The following RBPJ variants were observed in gnomAD, a reference collection of about 807,000 sequenced individuals.
RBPJ encodes recombination signal binding protein for immunoglobulin kappa J region, also known as recombining binding protein suppressor of hairless.
RBPJ carries 9 observed loss-of-function variants against 67.8 expected under a neutral mutation model. The ratio of observed to expected loss-of-function variants is 0.13; its 90% CI spans 0.08 to 0.23. RBPJ has a LOEUF of 0.23. RBPJ is among the 10% of genes least tolerant of loss of function. The pLI is 1.00. For synonymous variants in RBPJ, 198 were observed against 203.3 expected, an observed-to-expected ratio of 0.97 and a Z score of 0.22; for missense variants, 305 against 595.6, an observed-to-expected ratio of 0.51 and a Z score of 5.08.
At chr4:26,249,620 C>A (rs1258856481) in intron 1 of RBPJ, among the ~76,000 whole-genome samples, 1 of 152,034 alleles carries the variant, frequency 6.6e-6, no homozygotes, top group Non-Finnish European at 1.5e-5. Context: ...GAGATCCCGC[C>A]ACTGCACTCC....
chr4:26,122,445 AT>A, the RBPJ span, among the ~76,000 whole-genome samples: 1 of 152,230 alleles, frequency 6.6e-6, no homozygotes, highest in African/African-American at 2.4e-5. Context: ...GACAATTAGA[AT>A]GTGGGTATTG....
At chr4:26,290,166 A>G (rs1721619209) in intron 1 of RBPJ, among the ~76,000 whole-genome samples, 1 of 149,466 alleles carries the variant, frequency 6.7e-6, no homozygotes, top group Non-Finnish European at 1.5e-5. Context: ...CCCACCTCCC[A>G]TCTCTACATG....
At chr4:26,119,079 G>A in the RBPJ span, among the ~76,000 whole-genome samples, 2 of 152,166 alleles carry the variant, frequency 1.3e-5, no homozygotes, top group Non-Finnish European at 2.9e-5. Flanking sequence ...TTCACAATCA[G>A]TAAAATAAGA....
At chr4:26,315,309 A>G, upstream of RBPJ, among the ~76,000 whole-genome samples, 1 of 151,162 alleles carries the variant, frequency 6.6e-6, no homozygotes, top group Non-Finnish European at 1.5e-5. Flanking sequence ...AAGAGTACAA[A>G]GAGAGGAATT....
intron 1 of RBPJ, among the ~76,000 whole-genome samples, chr4:26,206,865 GGTAGTT>G (rs1046020212): frequency 2.6e-5 from 4 of 151,144 alleles, no homozygotes; most frequent in African/African-American, 9.7e-5. Context: ...TCTGAATTCT[GGTAGTT>G]TTTTAAAGGA....
chr4:26,318,614 G>C (rs1343971586), upstream of RBPJ, among the ~76,000 whole-genome samples: 2 of 152,152 alleles, frequency 1.3e-5, no homozygotes, highest in African/African-American at 2.4e-5. Context: ...ATCTATACAA[G>C]GCAACAAGGC....
At chr4:26,316,241 C>T (rs556105513), upstream of RBPJ, among the ~76,000 whole-genome samples, 447 of 148,712 alleles carry the variant, frequency 3.0e-3, 4 homozygotes, top group African/African-American at 0.011. Context: ...CCTGACTTCC[C>T]GCAACATATA....
chr4:26,151,612 G>A, the RBPJ span, among the ~76,000 whole-genome samples: 3 of 152,196 alleles, frequency 2.0e-5, no homozygotes, highest in East Asian at 1.9e-4. Context: ...TTTTACAGAG[G>A]AAGAAATTGA....
At chr4:26,318,996 C>CAAAAAAAAAAAAAAAAAAAAAAAAAAA (rs201084739), upstream of RBPJ, among the ~76,000 whole-genome samples, 2 of 83,866 alleles carry the variant, frequency 2.4e-5, no homozygotes, top group Non-Finnish European at 2.7e-5. Flanking sequence ...GACTCCGTCT[C>CAAAAAAAAAAAAAAAAAAAAAAAAAAA]AAAAAAAAAA....
intron 1 of RBPJ, among the ~76,000 whole-genome samples, chr4:26,322,661 T>TTATA (rs753718347): frequency 8.6e-6 from 1 of 115,848 alleles, no homozygotes; most frequent in Non-Finnish European, 2.0e-5. Context: ...AATATGTATA[T>TTATA]TATATATATA....
intron 1 of RBPJ, among the ~76,000 whole-genome samples, chr4:26,357,878 C>G (rs1004325810): frequency 1.3e-5 from 2 of 152,122 alleles, no homozygotes; most frequent in Admixed American, 6.6e-5. Flanking sequence ...CAAGGTTCAT[C>G]CATGTAGCGT....
At chr4:26,421,842 C>G (rs1379559665) in intron 5 of RBPJ, among the ~76,000 whole-genome samples, 1 of 152,092 alleles carries the variant, frequency 6.6e-6, no homozygotes, top group African/African-American at 2.4e-5. Flanking sequence ...TAAGTGTCAT[C>G]TAATATCCTA....
chr4:26,179,296 T>G (rs1716900129), intron 1 of RBPJ, among the ~76,000 whole-genome samples: 1 of 129,570 alleles, frequency 7.7e-6, no homozygotes, highest in African/African-American at 2.6e-5. Flanking sequence ...ATTACTGTGT[T>G]TTTTTTTTTT....
intron 1 of RBPJ, among the ~76,000 whole-genome samples, chr4:26,170,195 C>T (rs949587683): frequency 1.3e-5 from 2 of 152,126 alleles, no homozygotes; most frequent in Non-Finnish European, 2.9e-5. Flanking sequence ...TAGACCGGAG[C>T]TGTTCCTATT....
chr4:26,412,102 A>G (rs1267206059), intron 3 of RBPJ, among the ~76,000 whole-genome samples: 29 of 139,906 alleles, frequency 2.1e-4, no homozygotes, highest in Non-Finnish European at 3.1e-5. Context: ...GTGACAGAGC[A>G]AGACTCCGTC....
intron 1 of RBPJ, among the ~76,000 whole-genome samples, chr4:26,182,210 C>T (rs542831448): frequency 3.3e-5 from 5 of 151,946 alleles, no homozygotes; most frequent in African/African-American, 9.6e-5. Flanking sequence ...GGCGCCGTGG[C>T]GGGCGCCTGT....
chr4:26,210,716 CTTCT>C (rs375291982), intron 1 of RBPJ, among the ~76,000 whole-genome samples: 682 of 40,068 alleles, frequency 0.017, 61 homozygotes, highest in South Asian at 0.022. Flanking sequence ...TCCTTCTTTC[CTTCT>C]TTCTTTCCTT....
At chr4:26,195,975 A>G (rs529750599) in intron 1 of RBPJ, among the ~76,000 whole-genome samples, 127 of 152,114 alleles carry the variant, frequency 8.3e-4, no homozygotes, top group African/African-American at 3.0e-3. Flanking sequence ...ACATATACAC[A>G]CACACAAAGA....
chr4:26,352,552 C>A (rs1369525549), intron 1 of RBPJ, among the ~76,000 whole-genome samples: 1 of 152,166 alleles, frequency 6.6e-6, no homozygotes, highest in Non-Finnish European at 1.5e-5. Context: ...GTACTCCCAG[C>A]ACTTTGGGAG....
Sources: gnomAD v4.1 joint callset for allele counts (sites outside exome capture counted in the v4.1 genomes callset) on GRCh38, gnomAD v4.1.1 for gene constraint, MANE v1.5 for transcripts, NCBI Gene and HGNC (gene_info 2026-07-23, HGNC 2026-07-21) for gene names.